ABCA13: variants seen among roughly 807,000 people sequenced by gnomAD.
The protein encoded by ABCA13 is ATP-binding cassette sub-family A member 13.
Under a neutral mutation model 478.7 loss-of-function variants are expected in ABCA13, and 476 were observed. The ratio of observed to expected loss-of-function variants is 0.99; its 90% CI spans 0.92 to 1.07. The LOEUF (loss-of-function observed/expected upper bound fraction) is 1.07, where lower values mean the gene tolerates loss of function less well. Among genes scored for constraint, ABCA13 ranks in the 50% least tolerant of loss-of-function variants. The pLI is 0.00. For synonymous variants in ABCA13, 2,252 were observed against 2,158.9 expected (o/e 1.04, Z -1.20); for missense variants, 6,060 against 5,910.6 (o/e 1.03, Z -0.83).
chr7:48,529,882 T>C (rs1585715029), intron 55 of ABCA13, among the ~76,000 whole-genome samples: 1 of 152,220 alleles, frequency 6.6e-6, no homozygotes, highest in Non-Finnish European at 1.5e-5. Context: ...AACAGTTTTC[T>C]ACACTTTCTC....
At chr7:48,466,531 G>C (rs958935736) in intron 43 of ABCA13, among the ~76,000 whole-genome samples, 2 of 152,170 alleles carry the variant, frequency 1.3e-5, no homozygotes, top group African/African-American at 4.8e-5. Context: ...TATGTTAATA[G>C]AACAAATATT....
chr7:48,423,395 T>C (rs968726851), intron 41 of ABCA13, among the ~76,000 whole-genome samples: 1 of 152,202 alleles, frequency 6.6e-6, no homozygotes, highest in Non-Finnish European at 1.5e-5. Flanking sequence ...TTCAAAAATT[T>C]CTCTAGCATC....
At position 48,372,533 on chromosome 7, in the gene ABCA13, A is replaced by C. The variant is rs529468672; in HGVS notation, c.11133+36A>C. 4,654 of 1,341,196 alleles carry C rather than the reference A, an allele frequency of 3.5e-3. 10 individuals are homozygous for C. Among genetic ancestry groups the C allele is most frequent in the Admixed American group, 4.8e-3 (201 of 41,570 alleles). The allele number at this position is 1,341,196 out of a possible 1,614,324, so 83.1% of individuals were successfully genotyped here. On this transcript the variant is annotated intron_variant, in intron 33 of 61. Coordinates refer to ENST00000435803, the MANE Select transcript of ABCA13 (RefSeq NM_152701.5). ...TGTTTTGTAAAAAAAAAAAAAAAAA[A>C]CAACAAAATTGCAATCTATCTAACA...
chr7:48,387,848 T>C lies in ABCA13; in HGVS notation c.11362T>C (p.Tyr3788His). ...PGTFGLRKPW[Y>H]FPFTASYWKS... ...AACATTTGGTTTACGGAAACCATGG[T>C]ATTTCCCCTTTACTGCCTCATATTG... Residue 3788 changes from tyrosine to histidine, a missense_variant, in exon 36 of 62, where the codon TAT becomes CAT. By Grantham distance (83) the Tyr-to-His change is moderately conservative. This residue lies in a region of ABCA13 where 1,627 missense variants were observed against 1,571.0 expected (regional missense o/e 1.04). Coordinates refer to ENST00000435803, the MANE Select transcript of ABCA13 (RefSeq NM_152701.5). The C allele has an allele frequency of 6.3e-7, 1 of 1,597,758 alleles. No individual in the cohort carries two copies. The highest frequency in any genetic ancestry group is 1.1e-5 in the South Asian group (1 of 87,310).
intron 38 of ABCA13, 98 bp downstream of exon 38, chr7:48,392,237 A>G (rs1816186461): frequency 8.9e-7 from 1 of 1,127,496 alleles, no homozygotes; most frequent in Non-Finnish European, 1.3e-6. Flanking sequence ...ATCTGTGTCT[A>G]CATTTATAAG....
intron 27 of ABCA13, among the ~76,000 whole-genome samples, chr7:48,323,015 A>G (rs1584840136): frequency 4.6e-5 from 7 of 152,314 alleles, no homozygotes; most frequent in Admixed American, 4.6e-4. Context: ...CATTGTGTGT[A>G]TCAGCAGTTG....
In ABCA13 at chr7:48,334,322, A is replaced by G. The variant is rs377580815; in HGVS notation, c.10000-1100A>G. ...ATACTAATTTGTCTTAATACTTACA[A>G]GAGTCTCTATCCCTATTTTTTTTTT... On this transcript the variant is annotated intron_variant, in intron 27 of 61. Coordinates refer to ENST00000435803, the MANE Select transcript of ABCA13 (RefSeq NM_152701.5). Among the ~76,000 whole-genome samples the G allele has an allele frequency of 3.3e-5, 5 of 149,684 alleles. No individual in the cohort carries two copies. In the East Asian group the frequency reaches 9.8e-4, roughly 29 times the overall value.
chr7:48,640,424 G>A (rs935740854), intron 59 of ABCA13, among the ~76,000 whole-genome samples: 1 of 152,084 alleles, frequency 6.6e-6, no homozygotes, highest in Admixed American at 6.6e-5. Flanking sequence ...TCCTGCTTCT[G>A]TTTTAGCATT....
chr7:48,372,933 G>A (rs1426440644), intron 33 of ABCA13, among the ~76,000 whole-genome samples: 2 of 152,142 alleles, frequency 1.3e-5, no homozygotes, highest in Admixed American at 1.3e-4. Context: ...CATTTAAAAT[G>A]TACCTCCTAA....
chr7:48,367,951 G>T (rs1811940768), intron 32 of ABCA13, 43 bp downstream of exon 32: 2 of 1,476,074 alleles, frequency 1.4e-6, no homozygotes, highest in Admixed American at 2.0e-5. Flanking sequence ...AGATAGGGAG[G>T]CTGGGGACTT....
intron 38 of ABCA13, among the ~76,000 whole-genome samples, chr7:48,396,821 G>A (rs778511835): frequency 6.6e-6 from 1 of 152,200 alleles, no homozygotes; most frequent in East Asian, 1.9e-4. Context: ...GGAACGTGTG[G>A]ATGAAGGATC....
intron 55 of ABCA13, among the ~76,000 whole-genome samples, chr7:48,570,712 C>G (rs993672469): frequency 2.0e-5 from 3 of 151,824 alleles, no homozygotes; most frequent in Admixed American, 2.0e-4. Flanking sequence ...AAAAAAAATC[C>G]AGTCTGCCAA....
intron 58 of ABCA13, among the ~76,000 whole-genome samples, chr7:48,614,414 G>A (rs1049634102): frequency 6.6e-6 from 1 of 151,304 alleles, no homozygotes; most frequent in South Asian, 2.1e-4. Context: ...TGGAGAAATA[G>A]GAACACTTTT....
At chr7:48,380,991 C>T (rs1814277344) in intron 35 of ABCA13, among the ~76,000 whole-genome samples, 1 of 152,184 alleles carries the variant, frequency 6.6e-6, no homozygotes, top group Non-Finnish European at 1.5e-5. Context: ...AAATTATTCA[C>T]AGTAGTTAAT....
chr7:48,534,773 C>CTT (rs1301965942), intron 55 of ABCA13, among the ~76,000 whole-genome samples: 1 of 152,124 alleles, frequency 6.6e-6, no homozygotes, highest in Non-Finnish European at 1.5e-5. Context: ...CTCTGAAGTT[C>CTT]TTGCTTCTGC....
intron 42 of ABCA13, among the ~76,000 whole-genome samples, chr7:48,447,470 C>T (rs1563272534): frequency 6.6e-6 from 1 of 152,150 alleles, no homozygotes; most frequent in East Asian, 1.9e-4. Context: ...CATGACTTTA[C>T]TTTGTTAACT....
intron 38 of ABCA13, among the ~76,000 whole-genome samples, chr7:48,394,353 G>A (rs1816519245): frequency 1.3e-5 from 2 of 152,114 alleles, no homozygotes; most frequent in Non-Finnish European, 2.9e-5. Context: ...GGATCCCTGA[G>A]CACACTGAAC....
chr7:48,236,200 G>T (rs1028911682), intron 8 of ABCA13, among the ~76,000 whole-genome samples: 1 of 152,132 alleles, frequency 6.6e-6, no homozygotes, highest in Non-Finnish European at 1.5e-5. Context: ...GTTATGGGAA[G>T]GTGAGGGGAG....
intron 57 of ABCA13, among the ~76,000 whole-genome samples, chr7:48,592,660 A>G (rs1416520315): frequency 6.6e-6 from 1 of 151,892 alleles, no homozygotes; most frequent in Non-Finnish European, 1.5e-5. Flanking sequence ...TCAATGTATC[A>G]TTGAAAGTGG....
Sources: allele counts gnomAD v4.1 joint callset (sites outside exome capture counted in the v4.1 genomes callset), GRCh38; gene constraint gnomAD v4.1.1; regional missense constraint gnomAD v4.1.1; transcripts MANE v1.5; gene names NCBI Gene and HGNC (gene_info 2026-07-23, HGNC 2026-07-21).